The following NLGN4X variants were observed in gnomAD, a reference collection of about 807,000 sequenced individuals.
NLGN4X encodes neuroligin-4, X-linked.
NLGN4X carries 3 observed loss-of-function variants against 40.3 expected under a neutral mutation model. The observed-to-expected ratio is 0.07, with a 90% CI of 0.03 to 0.19. NLGN4X has a LOEUF of 0.19. Ranked by LOEUF, NLGN4X falls within the 10% of genes least tolerant of loss-of-function variation. The pLI, the probability that NLGN4X is intolerant of heterozygous loss-of-function variation, is 1.00. For missense variants in NLGN4X, 382 were observed against 708.3 expected, an observed-to-expected ratio of 0.54 and a Z score of 5.23; for synonymous variants, 270 against 306.8, an observed-to-expected ratio of 0.88 and a Z score of 1.25.
intron 2 of NLGN4X, among the ~76,000 whole-genome samples, chrX:6,032,101 A>G (rs1356106271): frequency 2.2e-5 from 2 of 92,317 alleles, no homozygotes; most frequent in Non-Finnish European, 4.2e-5. Flanking sequence ...TCCTGAATGC[A>G]TCAGGGCTCG....
chrX:6,224,533 T>G (rs1925985718), intron 1 of NLGN4X, among the ~76,000 whole-genome samples: 1 of 111,632 alleles, frequency 9.0e-6, no homozygotes, highest in Non-Finnish European at 1.9e-5. Flanking sequence ...TATTTACCAT[T>G]AGGCTACATT....
chrX:6,179,420 T>C (rs1350341170), intron 1 of NLGN4X, among the ~76,000 whole-genome samples: 1 of 112,272 alleles, frequency 8.9e-6, no homozygotes, highest in Non-Finnish European at 1.9e-5. Context: ...TGCATAGGGC[T>C]AGAGTTTTCT....
chrX:5,979,136 T>C (rs146341982), intron 3 of NLGN4X, among the ~76,000 whole-genome samples: 22 of 111,488 alleles, frequency 2.0e-4, no homozygotes, highest in African/African-American at 6.5e-4. Flanking sequence ...CAGACAGGCA[T>C]TATGAATTAC....
intron 2 of NLGN4X, among the ~76,000 whole-genome samples, chrX:6,059,163 T>C (rs941417977): frequency 1.1e-4 from 12 of 112,087 alleles, no homozygotes; most frequent in Admixed American, 6.6e-4. Context: ...CTGAACATGA[T>C]TTGATTTTCT....
At chrX:6,195,317 C>G (rs910964600) in intron 1 of NLGN4X, among the ~76,000 whole-genome samples, 3 of 112,039 alleles carry the variant, frequency 2.7e-5, no homozygotes, top group Non-Finnish European at 5.6e-5. Flanking sequence ...CACCACAGAA[C>G]TATAAAAGTG....
chrX:5,930,167 G>A (rs2146860863), intron 3 of NLGN4X, among the ~76,000 whole-genome samples: 1 of 112,408 alleles, frequency 8.9e-6, no homozygotes, highest in Admixed American at 9.4e-5. Context: ...CATCAAGAAT[G>A]CTCATTAAGT....
chrX:6,082,948 G>GTTTTTTTTTTTTTTTTT (rs930625574), intron 2 of NLGN4X, among the ~76,000 whole-genome samples: 5 of 70,358 alleles, frequency 7.1e-5, no homozygotes, highest in African/African-American at 1.9e-4. Context: ...GCCATGATGC[G>GTTTTTTTTTTTTTTTTT]TTTTTTTCTT....
chrX:6,180,021 G>GGCAGTAAGA (rs1413133035), intron 1 of NLGN4X, among the ~76,000 whole-genome samples: 2 of 111,466 alleles, frequency 1.8e-5, no homozygotes, highest in Non-Finnish European at 3.8e-5. Flanking sequence ...CTAGTATCAA[G>GGCAGTAAGA]GCAGTAAGAT....
intron 2 of NLGN4X, among the ~76,000 whole-genome samples, chrX:6,048,677 A>C (rs773056963): frequency 1.2e-4 from 13 of 111,518 alleles, no homozygotes; most frequent in Non-Finnish European, 2.3e-4. Context: ...AAACAGAACA[A>C]GATCATGTCC....
chrX:5,937,535 G>A (rs1009591418), intron 3 of NLGN4X, among the ~76,000 whole-genome samples: 25 of 111,704 alleles, frequency 2.2e-4, no homozygotes, highest in African/African-American at 6.8e-4. Flanking sequence ...CTTCCAGAGC[G>A]ACTAAAGTTC....
rs781581467 is a variant in NLGN4X, at chrX:5,903,310, G to A, written c.1368C>T (p.Thr456=). 1.2e-5 allele frequency: 14 copies of A among 1,209,957 alleles called. No individual in the cohort carries two copies. The East Asian group carries it at 1.8e-4, about 15-fold the overall frequency. Residue 456 remains threonine, a synonymous_variant, in exon 5 of 6, where the codon ACC becomes ACT. Coordinates refer to ENST00000381095, the MANE Select transcript of NLGN4X (RefSeq NM_181332.3). The stretch of plus-strand genomic sequence containing the variant: ...AGCCGTACTGCGCGTGCAGGTCGGC[G>A]GTGGCCACGGCGGGGGCCACCCACT... ...DHQWVAPAVA[T]ADLHAQYGSP...
At chrX:6,002,972 C>T (rs1220108924) in intron 3 of NLGN4X, among the ~76,000 whole-genome samples, 1 of 111,542 alleles carries the variant, frequency 9.0e-6, no homozygotes, top group South Asian at 3.8e-4. Context: ...GTTTTCAGTT[C>T]CCCTTCCTGC....
At chrX:6,056,652 A>C (rs916584435) in intron 2 of NLGN4X, among the ~76,000 whole-genome samples, 13 of 112,035 alleles carry the variant, frequency 1.2e-4, no homozygotes, top group African/African-American at 4.2e-4. Flanking sequence ...TTGAGACCAA[A>C]CAATTAGAAA....
intron 2 of NLGN4X, among the ~76,000 whole-genome samples, chrX:6,124,268 A>G (rs749517860): frequency 1.2e-4 from 13 of 111,905 alleles, no homozygotes; most frequent in Non-Finnish European, 2.3e-4. Context: ...ACATATATAT[A>G]ACATAGTATA....
At chrX:6,010,513 T>TTTATTATTATTATTA (rs58321620) in intron 3 of NLGN4X, among the ~76,000 whole-genome samples, 2,621 of 95,361 alleles carry the variant, frequency 0.027, 62 homozygotes, top group Middle Eastern at 0.063. Flanking sequence ...TTCTTTTTAT[T>TTTATTATTATTATTA]TTATTATTAT....
At chrX:5,984,380 CAA>C (rs549401348) in intron 3 of NLGN4X, among the ~76,000 whole-genome samples, 1 of 91,346 alleles carries the variant, frequency 1.1e-5, no homozygotes. Flanking sequence ...ATACAAAATA[CAA>C]AAAAAAAAAG....
chrX:6,099,961 G>A (rs982139172), intron 2 of NLGN4X, among the ~76,000 whole-genome samples: 6 of 111,731 alleles, frequency 5.4e-5, no homozygotes, highest in Non-Finnish European at 1.1e-4. Context: ...GGAAATCAGG[G>A]GTCTCACAGC....
At position 6,117,121 on chromosome X, in the gene NLGN4X, C is replaced by T. The variant is rs145662214; in HGVS notation, c.472+33874G>A. On this transcript the variant is annotated intron_variant, in intron 2 of 5. Transcript: ENST00000381095. ...GGGATTAGCCATTCATCTTAAGGAG[C>T]TCACTTTCATTCCCTGTATCCCAAC... Among the ~76,000 whole-genome samples the T allele has an allele frequency of 6.4e-3, 717 of 111,210 alleles. 9 individuals carry two copies. Among genetic ancestry groups the T allele is most frequent in the African/African-American group, 0.022 (683 of 30,454 alleles).
chrX:5,932,731 G>A (rs150297400), intron 3 of NLGN4X, among the ~76,000 whole-genome samples: 162 of 110,484 alleles, frequency 1.5e-3, no homozygotes, highest in African/African-American at 4.8e-3. Context: ...AAGAATAAAG[G>A]AGAGAAAGGC....
Sources: gnomAD v4.1 joint callset for allele counts (sites outside exome capture counted in the v4.1 genomes callset) on GRCh38, gnomAD v4.1.1 for gene constraint, MANE v1.5 for transcripts, NCBI Gene and HGNC (gene_info 2026-07-23, HGNC 2026-07-21) for gene names.